FRMPD4: variants seen among roughly 807,000 people sequenced by gnomAD.
The protein encoded by FRMPD4 is FERM and PDZ domain-containing protein 4.
Under a neutral mutation model 94.1 loss-of-function variants are expected in FRMPD4, and 22 were observed. That is an observed-to-expected ratio of 0.23 (90% CI 0.17 to 0.33). FRMPD4 has a LOEUF of 0.33. Among genes scored for constraint, FRMPD4 ranks in the 10% least tolerant of loss-of-function variants. The pLI is 1.00. For synonymous variants in FRMPD4, 631 were observed against 548.6 expected (o/e 1.15, Z -2.10); for missense variants, 1,111 against 1,339.9 (o/e 0.83, Z 2.67).
chrX:12,552,936 G>A (rs867030853), intron 2 of FRMPD4, among the ~76,000 whole-genome samples: 2 of 111,818 alleles, frequency 1.8e-5, no homozygotes, highest in Non-Finnish European at 3.8e-5. Context: ...CGGGAGGATC[G>A]CCTGAGCCCA....
intron 3 of FRMPD4, among the ~76,000 whole-genome samples, chrX:12,067,607 G>A (rs998782602): frequency 4.6e-5 from 5 of 109,273 alleles, no homozygotes; most frequent in Admixed American, 9.8e-5. Context: ...TAGTAGAGAC[G>A]GGGTTTCATC....
At chrX:11,831,557 A>G (rs1270874552) in intron 1 of FRMPD4, among the ~76,000 whole-genome samples, 1 of 111,820 alleles carries the variant, frequency 8.9e-6, no homozygotes. Context: ...TAGGAGAGAC[A>G]CACATTTAGA....
intron 3 of FRMPD4, among the ~76,000 whole-genome samples, chrX:11,958,362 T>C (rs1171584254): frequency 8.9e-6 from 1 of 112,201 alleles, no homozygotes; most frequent in East Asian, 2.8e-4. Context: ...TGGACTTTTA[T>C]TTGTGATTCT....
At chrX:11,969,372 C>T (rs1383801237) in intron 3 of FRMPD4, among the ~76,000 whole-genome samples, 1 of 112,077 alleles carries the variant, frequency 8.9e-6, no homozygotes, top group Non-Finnish European at 1.9e-5. Context: ...GAGTGTACTC[C>T]GAGAACATTG....
At chrX:12,580,470 T>C (rs1228371552) in intron 2 of FRMPD4, among the ~76,000 whole-genome samples, 1 of 112,028 alleles carries the variant, frequency 8.9e-6, no homozygotes, top group African/African-American at 3.2e-5. Flanking sequence ...CATGATAAAG[T>C]TTAATTTATA....
At chrX:11,892,113 A>G (rs1224015161) in intron 3 of FRMPD4, among the ~76,000 whole-genome samples, 2 of 112,214 alleles carry the variant, frequency 1.8e-5, no homozygotes. Context: ...TAGTATATGT[A>G]TATAGGTGGG....
intron 2 of FRMPD4, among the ~76,000 whole-genome samples, chrX:12,582,740 G>A (rs1415333122): frequency 9.0e-6 from 1 of 111,510 alleles, no homozygotes; most frequent in Non-Finnish European, 1.9e-5. Context: ...ATTTTTTCCA[G>A]CTCTCTGTGC....
intron 1 of FRMPD4, among the ~76,000 whole-genome samples, chrX:12,366,078 T>C (rs1258092021): frequency 1.8e-5 from 2 of 111,970 alleles, no homozygotes; most frequent in African/African-American, 6.5e-5. Context: ...TGGAGAAACT[T>C]GAGGCAGGAA....
chrX:12,373,924 G>C (rs2056197284), intron 1 of FRMPD4, among the ~76,000 whole-genome samples: 1 of 111,962 alleles, frequency 8.9e-6, no homozygotes, highest in Admixed American at 9.5e-5. Flanking sequence ...TGGCAGTTCT[G>C]GCAGGCTGCA....
chrX:12,420,539 C>T (rs1017563645), intron 1 of FRMPD4, among the ~76,000 whole-genome samples: 1 of 112,145 alleles, frequency 8.9e-6, no homozygotes, highest in African/African-American at 3.2e-5. Flanking sequence ...CCAAGGGCTT[C>T]CATGCTGCCA....
intron 3 of FRMPD4, among the ~76,000 whole-genome samples, chrX:11,956,875 G>A (rs543973834): frequency 8.9e-6 from 1 of 112,195 alleles, no homozygotes; most frequent in East Asian, 2.8e-4. Flanking sequence ...AGAATTGTGT[G>A]GTGCTCAGAG....
At chrX:12,161,549 C>T (rs764578392) in intron 1 of FRMPD4, among the ~76,000 whole-genome samples, 2 of 111,496 alleles carry the variant, frequency 1.8e-5, no homozygotes, top group African/African-American at 3.3e-5. Flanking sequence ...ATTGTTATTC[C>T]GGTTTTATAG....
At chrX:11,949,534 G>T (rs2054208640) in intron 3 of FRMPD4, among the ~76,000 whole-genome samples, 1 of 112,264 alleles carries the variant, frequency 8.9e-6, no homozygotes, top group African/African-American at 3.2e-5. Flanking sequence ...TCAAAATTTT[G>T]GCAAGAGTGA....
intron 2 of FRMPD4, among the ~76,000 whole-genome samples, chrX:12,595,497 A>G (rs138033422): frequency 7.8e-4 from 87 of 112,173 alleles, no homozygotes; most frequent in African/African-American, 2.7e-3. Flanking sequence ...CATCTAGTAA[A>G]GTGGATACTG....
At chrX:12,690,623 T>C (rs1430762855) in intron 8 of FRMPD4, among the ~76,000 whole-genome samples, 1 of 112,368 alleles carries the variant, frequency 8.9e-6, no homozygotes, top group African/African-American at 3.2e-5. Context: ...CAGTGATCTG[T>C]TCACCTGTTT....
At chrX:12,690,433 C>G in intron 8 of FRMPD4, 107 bp downstream of exon 8, 1 of 639,300 alleles carries the variant, frequency 1.6e-6, no homozygotes, top group Non-Finnish European at 2.3e-6. Context: ...TAATTGTATC[C>G]CTGGGTATCC....
At chrX:12,189,797 ACTTT>A (rs2056468630) in intron 1 of FRMPD4, among the ~76,000 whole-genome samples, 1 of 111,256 alleles carries the variant, frequency 9.0e-6, no homozygotes, top group South Asian at 3.8e-4. Context: ...AAAACTCAAA[ACTTT>A]CTTACTAAGA....
At chrX:11,946,535 C>A (rs1373584061) in intron 3 of FRMPD4, among the ~76,000 whole-genome samples, 1 of 111,633 alleles carries the variant, frequency 9.0e-6, no homozygotes, top group African/African-American at 3.3e-5. Flanking sequence ...ACCAGCAACA[C>A]CCCTGATGGT....
chrX:12,601,828 T>C (rs972495987), intron 2 of FRMPD4, among the ~76,000 whole-genome samples: 6 of 111,431 alleles, frequency 5.4e-5, no homozygotes, highest in Non-Finnish European at 9.4e-5. Flanking sequence ...ACTTAAGTCG[T>C]GGTGCCTTGC....
Sources: allele counts gnomAD v4.1 joint callset (sites outside exome capture counted in the v4.1 genomes callset), GRCh38; gene constraint gnomAD v4.1.1; transcripts MANE v1.5; gene names NCBI Gene and HGNC (gene_info 2026-07-23, HGNC 2026-07-21).